ANO8: variants seen among roughly 807,000 people sequenced by gnomAD.
ANO8 encodes anoctamin 8.
Under a neutral mutation model 120.4 loss-of-function variants are expected in ANO8, and 67 were observed. The ratio of observed to expected loss-of-function variants is 0.56; its 90% CI spans 0.46 to 0.68. The LOEUF (loss-of-function observed/expected upper bound fraction) is 0.68, where lower values mean the gene tolerates loss of function less well. Among genes scored for constraint, ANO8 ranks in the 30% least tolerant of loss-of-function variants. The probability of loss-of-function intolerance (pLI) is 0.00; values close to 1 mark genes in which losing one functional copy is unlikely to be tolerated. For missense variants in ANO8, 1,526 were observed against 1,737.6 expected, an observed-to-expected ratio of 0.88 and a Z score of 2.16; for synonymous variants, 727 against 759.2, an observed-to-expected ratio of 0.96 and a Z score of 0.70.
chr19:17,324,767 T>C lies in ANO8; in HGVS notation c.3281A>G (p.Glu1094Gly), dbSNP rs768108002. ...SRVQRSGPVD[E>G]ALAEELEAPR... ...GGCTTCCAGCTCCTCAGCCAGGGCC[T>C]CGTCCACCGGCCCACTCCTCTGAAC... The change falls in exon 17 of 18, where the codon GAG (glutamate) becomes GGG (glycine). Residue 1094 changes from glutamate (E) to glycine (G), a missense_variant. Glu to Gly is a moderately conservative substitution (Grantham distance 98). Transcript: ENST00000159087. The C allele has an allele frequency of 6.5e-7, 1 of 1,549,454 alleles. No individual in the cohort carries two copies. The highest frequency in any genetic ancestry group is 1.2e-5 in the South Asian group (1 of 81,120).
In ANO8 at chr19:17,329,750, G is replaced by C. The variant is rs1235685442; in HGVS notation, c.1404+7C>G. ...AGGGGGGACTGCCGCTGGGGCGGGG[G>C]TCTCACCTCTTTCAAGCGCTCCATG... On this transcript the variant is annotated splice_region_variant and intron_variant, in intron 12 of 17. Transcript: ENST00000159087. 3 of 1,609,756 alleles carry C rather than the reference G, an allele frequency of 1.9e-6. No individual in the cohort carries two copies. The East Asian group carries it at 6.7e-5, about 36-fold the overall frequency.
Position 17,331,420 on chromosome 19 carries a change from G to A in ANO8, c.587-9C>T. On this transcript the variant is annotated splice_polypyrimidine_tract_variant and intron_variant, in intron 5 of 17. Transcript: ENST00000159087. ...TGCTGCCAGCTCCGGGACTGTGGAG[G>A]GAGGAGCACAGGTGATCCCCGCCCC... 6.2e-7 allele frequency: 1 copy of A among 1,612,180 alleles called. No homozygotes were observed. The highest frequency in any genetic ancestry group is 1.1e-5 in the South Asian group (1 of 91,062).
At chr19:17,334,392 G>C (rs542823196) in intron 1 of ANO8, among the ~76,000 whole-genome samples, 173 bp downstream of exon 1, 1 of 152,192 alleles carries the variant, frequency 6.6e-6, no homozygotes, top group Non-Finnish European at 1.5e-5. Flanking sequence ...ACCCCAGCCC[G>C]AAGCACCGTC....
In ANO8 at chr19:17,334,581, C is replaced by A; in HGVS notation, c.90G>T (p.Pro30=). 6.4e-7 allele frequency: 1 copy of A among 1,552,956 alleles called. No homozygotes were observed. The highest frequency in any genetic ancestry group is 1.2e-5 in the South Asian group (1 of 85,870). The change falls in exon 1 of 18, where the codon CCG becomes CCT. Residue 30 remains proline (P), a synonymous_variant. Coordinates refer to ENST00000159087, the MANE Select transcript of ANO8 (RefSeq NM_020959.3). ...CACACATACCCAGAACTCCGGACGC[C>A]GGGGCTGCAGGCTCGCCCTCCGGCG... is the stretch of plus-strand genomic sequence containing the variant. ...RPPPEGEPAA[P]ASGVLDKLFG... is the part of the protein sequence containing the mutation.
chr19:17,330,329 C>T (rs1388389344), intron 9 of ANO8, 23 bp downstream of exon 9: 10 of 1,608,978 alleles, frequency 6.2e-6, no homozygotes, highest in Non-Finnish European at 8.5e-6. Context: ...AAGGACAGGG[C>T]GGGTGAGGGT....
intron 16 of ANO8, among the ~76,000 whole-genome samples, chr19:17,325,890 T>C (rs1298630986): frequency 6.6e-6 from 1 of 152,148 alleles, no homozygotes; most frequent in Non-Finnish European, 1.5e-5. Flanking sequence ...ATTGTGCCAT[T>C]GCACTCCAGC....
chr19:17,323,921 GC>G, intron 17 of ANO8, 37 bp from the exon 18 acceptor site: 1 of 1,107,766 alleles, frequency 9.0e-7, no homozygotes. Context: ...GGGGGATGCC[GC>G]CCCCGCCGGA....
In ANO8 at chr19:17,327,244, C is replaced by T. The variant is rs1234421272; in HGVS notation, c.2652G>A (p.Glu884=). Reference sequence around the variant, plus strand: ...AGCCTGGCCCCCCTACCTTAAAGGCCTCGCGGCGCTGGTACTCCAGCTTGG... The same window carrying T: ...AGCCTGGCCCCCCTACCTTAAAGGCTTCGCGGCGCTGGTACTCCAGCTTGG... ...EMAKLEYQRR[E]AFKRHERQAQ... Residue 884 remains glutamate, a synonymous_variant, in exon 16 of 18, where the codon GAG becomes GAA. Coordinates refer to ENST00000159087, the MANE Select transcript of ANO8 (RefSeq NM_020959.3). 6 of 1,544,006 alleles carry T rather than the reference C, an allele frequency of 3.9e-6. No individual in the cohort carries two copies. Among genetic ancestry groups the T allele is most frequent in the Non-Finnish European group, 5.2e-6 (6 of 1,143,082 alleles).
Position 17,334,843 on chromosome 19 carries a change from C to A in ANO8, c.-173G>T. 1 of 1,293,930 alleles carries A rather than the reference C, an allele frequency of 7.7e-7. No homozygotes were observed. The highest frequency in any genetic ancestry group is 1.6e-5 in the South Asian group (1 of 62,912). The allele number at this position is 1,293,930 out of a possible 1,614,324, so 80.2% of individuals were successfully genotyped here. On this transcript the variant is annotated 5_prime_UTR_variant, in exon 1 of 18. Transcript: ENST00000159087. ...CGCTGCTTCTCGTCCCCGCCCGAGC[C>A]GAACCTCGATTCTCCTTCCCGGCCC...
chr19:17,327,922 G>A (rs780956819), intron 13 of ANO8, 42 bp from the exon 14 acceptor site: 2 of 1,593,472 alleles, frequency 1.3e-6, no homozygotes, highest in Admixed American at 1.7e-5. Context: ...CTCTTCCCTG[G>A]GACAATCTTT....
chr19:17,325,770 A>T (rs768040967), intron 16 of ANO8, among the ~76,000 whole-genome samples: 11 of 152,296 alleles, frequency 7.2e-5, no homozygotes, highest in Non-Finnish European at 1.5e-4. Flanking sequence ...TCTACCAAAA[A>T]TATAAAAATT....
chr19:17,330,255 C>T lies in ANO8; in HGVS notation c.1147-4G>A, dbSNP rs377548104. The T allele has an allele frequency of 1.2e-5, 19 of 1,613,772 alleles. No individual in the cohort carries two copies. In the Admixed American group the frequency reaches 2.7e-4, roughly 23 times the overall value. Reference sequence around the variant, plus strand: ...CCTTCACGCTCAGCACCAGCTCCTGCGGGAGAAGGGGGTTCAGGGCTCATC... The same window carrying T: ...CCTTCACGCTCAGCACCAGCTCCTGTGGGAGAAGGGGGTTCAGGGCTCATC... On this transcript the variant is annotated splice_region_variant and splice_polypyrimidine_tract_variant and intron_variant, in intron 9 of 17. Transcript: ENST00000159087.
At chr19:17,330,329 C>G (rs1388389344) in intron 9 of ANO8, 23 bp downstream of exon 9, 1 of 1,608,854 alleles carries the variant, frequency 6.2e-7, no homozygotes, top group East Asian at 2.2e-5. Context: ...AAGGACAGGG[C>G]GGGTGAGGGT....
In ANO8 at chr19:17,334,626, G is replaced by A. The variant is rs1176657453; in HGVS notation, c.45C>T (p.Gly15=). 2 of 1,518,096 alleles carry A rather than the reference G, an allele frequency of 1.3e-6. No homozygotes were observed. The highest frequency in any genetic ancestry group is 1.2e-5 in the South Asian group (1 of 82,666). The allele number at this position is 1,518,096 out of a possible 1,614,324, so 94.0% of individuals were successfully genotyped here. ...CCGGCGGGGGCCTCTTGCCACGCTC[G>A]CCCTCCAGGGACGTGCCCCCGGCGC... The part of the protein sequence containing the change: ...ASGAGGTSLE[G]ERGKRPPPEG... Residue 15 remains glycine (G), a synonymous_variant, in exon 1 of 18, where the codon GGC becomes GGT. Transcript: ENST00000159087.
intron 12 of ANO8, 49 bp from the exon 13 acceptor site, chr19:17,329,032 C>A (rs1276996785): frequency 1.5e-6 from 2 of 1,376,622 alleles, no homozygotes; most frequent in Non-Finnish European, 1.9e-6. Flanking sequence ...GCAAGCGGGG[C>A]GCCGGGATCG....
At chr19:17,331,470 C>G in intron 5 of ANO8, 59 bp from the exon 6 acceptor site, 1 of 1,523,618 alleles carries the variant, frequency 6.6e-7, no homozygotes, top group Non-Finnish European at 9.1e-7. Context: ...GCCTGGCTAG[C>G]CCCTCTTTGT....
In ANO8 at chr19:17,334,687, G is replaced by A. The variant is rs2074349635; in HGVS notation, c.-17C>T. On this transcript the variant is annotated 5_prime_UTR_variant, in exon 1 of 18. Transcript: ENST00000159087. ...CTCGGCCATGGCGAGGACAGGTCAGGTCAGGGGCTACGGACGGCCCGGGCG... is the reference window on the plus strand; with the variant it reads ...CTCGGCCATGGCGAGGACAGGTCAGATCAGGGGCTACGGACGGCCCGGGCG... The A allele has an allele frequency of 1.4e-6, 2 of 1,388,304 alleles. No homozygotes were observed. Among genetic ancestry groups the A allele is most frequent in the Non-Finnish European group, 1.9e-6 (2 of 1,080,616 alleles). 86.0% of individuals were successfully genotyped at this position (1,388,304 alleles called of 1,614,324 possible).
chr19:17,330,194 T>G lies in ANO8; in HGVS notation c.1204A>C (p.Met402Leu), dbSNP rs772331319. 2 of 1,613,928 alleles carry G rather than the reference T, an allele frequency of 1.2e-6. No homozygotes were observed. The highest frequency in any genetic ancestry group is 4.5e-5 in the East Asian group (2 of 44,882). Residue 402 changes from methionine to leucine, a missense_variant, in exon 10 of 18, where the codon ATG becomes CTG. Met to Leu is a conservative substitution (Grantham distance 15). This residue lies in a region of ANO8 where 91 missense variants were observed against 85.3 expected (regional missense o/e 1.07). Transcript: ENST00000159087. ...CTCACACTGACAAGCAGGGCCAGCA[T>G]GACCTTAGGCAGGAATCGGGCGAGA... is the stretch of plus-strand genomic sequence containing the variant. The part of the protein sequence containing the change: ...PRLARFLPKV[M>L]LALLVSVSAE...
chr19:17,334,603 GGCGGGGGCCTCTTGCCAC>G lies in ANO8; in HGVS notation c.50_67del (p.Arg17_Pro22del). Reference sequence around the variant, plus strand: ...CGCCGGGGCTGCAGGCTCGCCCTCCGGCGGGGGCCTCTTGCCACGCTCGCCCTCCAGGGACGTGCCCCC... The same window carrying G: ...CGCCGGGGCTGCAGGCTCGCCCTCCGGCTCGCCCTCCAGGGACGTGCCCCC... On this transcript the variant is annotated inframe_deletion, in exon 1 of 18. Transcript: ENST00000159087. The G allele has an allele frequency of 6.5e-7, 1 of 1,543,034 alleles. No homozygotes were observed. Among genetic ancestry groups the G allele is most frequent in the Non-Finnish European group, 8.7e-7 (1 of 1,153,414 alleles).
Sources: gnomAD v4.1 joint callset for allele counts (sites outside exome capture counted in the v4.1 genomes callset) on GRCh38, gnomAD v4.1.1 for gene constraint, gnomAD v4.1.1 regional missense constraint, MANE v1.5 for transcripts, NCBI Gene and HGNC (gene_info 2026-07-23, HGNC 2026-07-21) for gene names.